SCAMP4: variants seen among roughly 807,000 people sequenced by gnomAD.
SCAMP4 encodes the protein secretory carrier-associated membrane protein 4.
SCAMP4 carries 19 observed loss-of-function variants against 32.1 expected under a neutral mutation model. That is an observed-to-expected ratio of 0.59 (90% CI 0.41 to 0.87). SCAMP4 has a LOEUF of 0.87. SCAMP4 is among the 40% of genes least tolerant of loss of function. SCAMP4 has a pLI of 0.00. For synonymous variants in SCAMP4, 152 were observed against 132.7 expected (o/e 1.15, Z -1.00); for missense variants, 302 against 309.0 (o/e 0.98, Z 0.17).
At chr19:1,917,992 G>T in intron 3 of SCAMP4, 135 bp from the exon 4 acceptor site, 9 of 1,372,104 alleles carry the variant, frequency 6.6e-6, no homozygotes, top group Non-Finnish European at 8.9e-6. Context: ...CAGTGTCTTG[G>T]CTTGCACAGT....
In SCAMP4 at chr19:1,917,742, C is replaced by G. The variant is rs766663344; in HGVS notation, c.56C>G (p.Pro19Arg). The stretch of plus-strand genomic sequence containing the variant: ...CTGCCCAAGTTCATCCCTGTGAAGC[C>G]CTGCTTCTACCAGAACTTCTCCGAC... ...PPLPKFIPVK[P>R]CFYQNFSDEI... Residue 19 changes from proline (P) to arginine (R), a missense_variant, in exon 3 of 7, where the codon CCC becomes CGC. By Grantham distance (103) the Pro-to-Arg change is moderately radical (BLOSUM62 -2). Transcript: ENST00000316097. 7 of 1,613,976 alleles carry G rather than the reference C, an allele frequency of 4.3e-6. No individual in the cohort carries two copies. Among genetic ancestry groups the G allele is most frequent in the Non-Finnish European group, 5.9e-6 (7 of 1,179,858 alleles).
At position 1,918,249 on chromosome 19, in the gene SCAMP4, G is replaced by A. The variant is rs202002554; in HGVS notation, c.259G>A (p.Val87Met). Residue 87 changes from valine to methionine, a missense_variant, in exon 4 of 7, where the codon GTG (valine) becomes ATG (methionine). By Grantham distance (21) the Val-to-Met change is conservative. Transcript: ENST00000316097. ...WLLLFTPCGYVCWFRPVYKAF... is the reference protein window; with the variant it reads ...WLLLFTPCGYMCWFRPVYKAF... Reference sequence around the variant, plus strand: ...GCTCCTGTTCACGCCTTGCGGCTACGTGTGCTGGTTCCGGCCTGTCTACAA... The same window carrying A: ...GCTCCTGTTCACGCCTTGCGGCTACATGTGCTGGTTCCGGCCTGTCTACAA... 335 of 1,608,530 alleles carry A rather than the reference G, an allele frequency of 2.1e-4. 2 individuals are homozygous for A. The African/African-American group carries it at 3.9e-3, about 18-fold the overall frequency.
At position 1,912,522 on chromosome 19, in the gene SCAMP4, C is replaced by A. The variant is rs949730141; in HGVS notation, c.-41-2457C>A. The A allele has an allele frequency of 2.7e-6, 4 of 1,496,960 alleles. No individual in the cohort carries two copies. The Admixed American group carries it at 8.8e-5, about 33-fold the overall frequency. The allele number at this position is 1,496,960 out of a possible 1,614,324, so 92.7% of individuals were successfully genotyped here. A position where few individuals can be genotyped will look rare whatever the true frequency, so the allele number is the denominator to read the frequency against. ...GACCAGGGGCCAGTTCGAGGAGGCC[C>A]GGGCCCACTGGCCCACGTCCTTCCA... is the stretch of plus-strand genomic sequence containing the variant. On this transcript the variant is annotated intron_variant, in intron 1 of 6. Transcript: ENST00000316097.
intron 1 of SCAMP4, among the ~76,000 whole-genome samples, chr19:1,910,216 G>A (rs1249249663): frequency 6.6e-6 from 1 of 152,212 alleles, no homozygotes; most frequent in African/African-American, 2.4e-5. Context: ...GGGCTGTGTT[G>A]TCATCTGGAG....
intron 1 of SCAMP4, chr19:1,912,807 C>T (rs778969688): frequency 3.8e-6 from 6 of 1,580,176 alleles, no homozygotes; most frequent in East Asian, 2.3e-5. Flanking sequence ...CGGCCAGGGC[C>T]GCGGCACCTA....
rs2145467031 is a variant in SCAMP4, at chr19:1,925,021, A to G, written c.*737A>G. Reference sequence around the variant, plus strand: ...CAGGTCGGGAGCACAGCCGCTCCCCAAACCCAGCAAACCGGCAGAGAGCCG... The same window carrying G: ...CAGGTCGGGAGCACAGCCGCTCCCCGAACCCAGCAAACCGGCAGAGAGCCG... On this transcript the variant is annotated 3_prime_UTR_variant, in exon 7 of 7. Coordinates refer to ENST00000316097, the MANE Select transcript of SCAMP4 (RefSeq NM_079834.4). 1 of 152,402 alleles carries G rather than the reference A, an allele frequency of 6.6e-6. No individual in the cohort carries two copies. The highest frequency in any genetic ancestry group is 1.9e-4 in the East Asian group (1 of 5,184). 9.4% of individuals were successfully genotyped at this position (152,402 alleles called of 1,614,324 possible).
chr19:1,913,113 C>T (rs957053030), intron 1 of SCAMP4: 6 of 1,589,900 alleles, frequency 3.8e-6, no homozygotes, highest in Admixed American at 3.5e-5. Flanking sequence ...CCGCGGGGTG[C>T]TGGAGGAGCA....
chr19:1,917,227 G>A (rs1368536988), intron 2 of SCAMP4, among the ~76,000 whole-genome samples: 3 of 152,158 alleles, frequency 2.0e-5, no homozygotes, highest in African/African-American at 7.2e-5. Context: ...AATCACTTGA[G>A]CTTGGGAGGC....
intron 5 of SCAMP4, chr19:1,921,337 G>A: frequency 2.0e-6 from 2 of 985,454 alleles, no homozygotes; most frequent in Non-Finnish European, 2.4e-6. Flanking sequence ...GGCAGCATCT[G>A]TGGTGGCAGA....
chr19:1,924,559 C>T lies in SCAMP4; in HGVS notation c.*275C>T, dbSNP rs1007136919. The T allele has an allele frequency of 8.2e-6, 4 of 490,290 alleles. No homozygotes were observed. Among genetic ancestry groups the T allele is most frequent in the African/African-American group, 5.8e-5 (3 of 51,656 alleles). 30.4% of individuals were successfully genotyped at this position (490,290 alleles called of 1,614,324 possible). On this transcript the variant is annotated 3_prime_UTR_variant, in exon 7 of 7. Coordinates refer to ENST00000316097, the MANE Select transcript of SCAMP4 (RefSeq NM_079834.4). Reference sequence around the variant, plus strand: ...GCTCCCGGAAACGTGTGGTCACCCGCCGTCCACTGCACGGCTGGTACGGCC... The same window carrying T: ...GCTCCCGGAAACGTGTGGTCACCCGTCGTCCACTGCACGGCTGGTACGGCC...
chr19:1,914,835 G>A (rs2013675377), intron 1 of SCAMP4, 144 bp from the exon 2 acceptor site: 1 of 680,702 alleles, frequency 1.5e-6, no homozygotes, highest in Admixed American at 2.2e-5. Context: ...ATTGGGTCGA[G>A]TCAGGCCTGT....
At chr19:1,906,563 G>A (rs79235473) in intron 1 of SCAMP4, 9,296 of 151,732 alleles carry the variant, frequency 0.061, 372 homozygotes, top group East Asian at 0.13. Flanking sequence ...AAATACATAC[G>A]TGTAGCGCCG....
rs371832691 is a variant in SCAMP4, at chr19:1,924,561, G to A, written c.*277G>A. On this transcript the variant is annotated 3_prime_UTR_variant, in exon 7 of 7. Transcript: ENST00000316097. ...TCCCGGAAACGTGTGGTCACCCGCC[G>A]TCCACTGCACGGCTGGTACGGCCTT... is the stretch of plus-strand genomic sequence containing the variant. 4.5e-5 allele frequency: 22 copies of A among 486,242 alleles called. No homozygotes were observed. Among genetic ancestry groups the A allele is most frequent in the East Asian group, 1.4e-4 (4 of 27,874 alleles). 30.1% of individuals were successfully genotyped at this position (486,242 alleles called of 1,614,324 possible).
At position 1,924,389 on chromosome 19, in the gene SCAMP4, T is replaced by TGGG; in HGVS notation, c.*106_*108dup. On this transcript the variant is annotated 3_prime_UTR_variant, in exon 7 of 7. Transcript: ENST00000316097. The stretch of plus-strand genomic sequence containing the variant: ...GTACCTGGGGCCCCATCCCCCCAGC[T>TGGG]GGGATGGTGGAAGCCGGTGGTGGCC... 3 of 1,041,810 alleles carry TGGG rather than the reference T, an allele frequency of 2.9e-6. No homozygotes were observed. Among genetic ancestry groups the TGGG allele is most frequent in the Non-Finnish European group, 4.2e-6 (3 of 717,148 alleles). 64.5% of individuals were successfully genotyped at this position (1,041,810 alleles called of 1,614,324 possible).
intron 1 of SCAMP4, chr19:1,905,935 A>AT (rs2013089949): frequency 6.6e-6 from 1 of 152,194 alleles, no homozygotes; most frequent in Non-Finnish European, 1.5e-5. Flanking sequence ...TACCTAGAGT[A>AT]TGAGTTTTTC....
Position 1,912,802 on chromosome 19 carries a change from A to G in SCAMP4, c.-41-2177A>G. 6.3e-7 allele frequency: 1 copy of G among 1,575,142 alleles called. No individual in the cohort carries two copies. The highest frequency in any genetic ancestry group is 8.6e-7 in the Non-Finnish European group (1 of 1,168,978). On this transcript the variant is annotated intron_variant, in intron 1 of 6. Coordinates refer to ENST00000316097, the MANE Select transcript of SCAMP4 (RefSeq NM_079834.4). The stretch of plus-strand genomic sequence containing the variant: ...TGCGTGGACCTCGTGGCGCGCGGCC[A>G]GGGCCGCGGCACCTACGACTTCAGA...
At chr19:1,919,116 G>C (rs539889109) in intron 5 of SCAMP4, 126 bp downstream of exon 5, 1 of 1,498,890 alleles carries the variant, frequency 6.7e-7, no homozygotes, top group South Asian at 1.3e-5. Flanking sequence ...TCCTAGGGAG[G>C]GGTCTGAGCT....
rs2013046363 is a variant in SCAMP4 at position 1,905,422 on chromosome 19, C to A, written c.-59C>A. ...CTAAGACTTGGCGAAGCGCTGCGCT[C>A]GCGCCCGGATCCCTCAGGTAAGCGC... is the stretch of plus-strand genomic sequence containing the variant. On this transcript the variant is annotated 5_prime_UTR_variant, in exon 1 of 7. Coordinates refer to ENST00000316097, the MANE Select transcript of SCAMP4 (RefSeq NM_079834.4). The A allele has an allele frequency of 2.2e-6, 1 of 463,028 alleles. No individual in the cohort carries two copies. Among genetic ancestry groups the A allele is most frequent in the Non-Finnish European group, 4.5e-6 (1 of 223,676 alleles). The allele number at this position is 463,028 out of a possible 1,614,324, so 28.7% of individuals were successfully genotyped here. A position where few individuals can be genotyped will look rare whatever the true frequency, so the allele number is the denominator to read the frequency against.
chr19:1,912,284 G>A (rs2145436559), intron 1 of SCAMP4: 1 of 1,582,736 alleles, frequency 6.3e-7, no homozygotes, highest in Non-Finnish European at 8.6e-7. Context: ...TGAAGGAGGT[G>A]TCGGCCCTGC....
Sources: allele counts gnomAD v4.1 joint callset (sites outside exome capture counted in the v4.1 genomes callset), GRCh38; gene constraint gnomAD v4.1.1; transcripts MANE v1.5; gene names NCBI Gene and HGNC (gene_info 2026-07-23, HGNC 2026-07-21).